WWOX: variants seen among roughly 807,000 people sequenced by gnomAD.
WWOX encodes the protein WW domain containing oxidoreductase.
A neutral mutation model predicts 46.2 loss-of-function variants in WWOX; 69 were observed. The ratio of observed to expected loss-of-function variants is 1.49; its 90% CI spans 1.23 to 1.82. The LOEUF is 1.82. Ranked by LOEUF, WWOX falls within the 40% of genes most tolerant of loss-of-function variation. WWOX has a pLI of 0.00. For missense variants in WWOX, 919 were observed against 542.6 expected (o/e 1.69, Z -6.89); for synonymous variants, 359 against 202.6 (o/e 1.77, Z -6.56).
intron 5 of WWOX, among the ~76,000 whole-genome samples, chr16:78,216,084 A>G (rs1199553503): frequency 2.6e-5 from 4 of 152,220 alleles, no homozygotes; most frequent in Non-Finnish European, 4.4e-5. Context: ...CTCATCCGTC[A>G]GCCACACTGC....
intron 8 of WWOX, among the ~76,000 whole-genome samples, chr16:78,778,457 C>T (rs1353562877): frequency 6.6e-6 from 1 of 152,198 alleles, no homozygotes; most frequent in Non-Finnish European, 1.5e-5. Flanking sequence ...GTGTTGTTGA[C>T]TGGGATGTCA....
intron 8 of WWOX, among the ~76,000 whole-genome samples, chr16:78,824,135 A>T (rs1480879623): frequency 1.3e-5 from 2 of 152,188 alleles, no homozygotes; most frequent in East Asian, 3.8e-4. Context: ...TAAAGTTTTT[A>T]AAAATCTATT....
At chr16:78,298,618 C>A (rs207476198) in intron 5 of WWOX, among the ~76,000 whole-genome samples, 2 of 152,102 alleles carry the variant, frequency 1.3e-5, no homozygotes, top group African/African-American at 4.8e-5. Flanking sequence ...ATGGAGAAAC[C>A]TTGCCTCTAC....
chr16:78,620,521 C>A (rs1283992717), intron 8 of WWOX, among the ~76,000 whole-genome samples: 1 of 152,168 alleles, frequency 6.6e-6, no homozygotes, highest in Non-Finnish European at 1.5e-5. Flanking sequence ...CCTCTCCAGA[C>A]TAGACACTAG....
chr16:78,828,468 G>T (rs2051723207), intron 8 of WWOX, among the ~76,000 whole-genome samples: 1 of 151,914 alleles, frequency 6.6e-6, no homozygotes, highest in Admixed American at 6.6e-5. Context: ...TCTGCCTGTG[G>T]GGTGTCTACC....
intron 8 of WWOX, among the ~76,000 whole-genome samples, chr16:78,687,900 C>A (rs2047898909): frequency 6.6e-6 from 1 of 151,746 alleles, no homozygotes; most frequent in African/African-American, 2.4e-5. Flanking sequence ...GTTAAATGGC[C>A]CACTCCCTTT....
At chr16:78,494,033 T>C (rs910524925) in intron 8 of WWOX, among the ~76,000 whole-genome samples, 1 of 152,192 alleles carries the variant, frequency 6.6e-6, no homozygotes, top group Non-Finnish European at 1.5e-5. Context: ...CTCGTGGTTC[T>C]GCAGACTGTA....
chr16:78,464,978 A>C (rs905571747), intron 8 of WWOX, among the ~76,000 whole-genome samples: 4 of 152,202 alleles, frequency 2.6e-5, no homozygotes, highest in Non-Finnish European at 5.9e-5. Context: ...GCAGAAGGCA[A>C]AGGAGGAGCA....
chr16:79,018,092 A>C (rs938182860), intron 8 of WWOX, among the ~76,000 whole-genome samples: 1 of 152,224 alleles, frequency 6.6e-6, no homozygotes, highest in Non-Finnish European at 1.5e-5. Context: ...ACCTATGAGC[A>C]AAAGGATTTC....
intron 8 of WWOX, among the ~76,000 whole-genome samples, chr16:78,806,297 C>G (rs1183524665): frequency 2.0e-5 from 3 of 152,258 alleles, no homozygotes; most frequent in African/African-American, 4.8e-5. Flanking sequence ...AAGCATTTCC[C>G]TATTCTTTAG....
chr16:78,725,800 C>G (rs894502119), intron 8 of WWOX, among the ~76,000 whole-genome samples: 3 of 152,028 alleles, frequency 2.0e-5, no homozygotes, highest in Non-Finnish European at 4.4e-5. Context: ...TTTGTCTTAG[C>G]TTTTGGCATT....
At chr16:78,510,275 C>T (rs1330665859) in intron 8 of WWOX, among the ~76,000 whole-genome samples, 1 of 152,126 alleles carries the variant, frequency 6.6e-6, no homozygotes, top group Non-Finnish European at 1.5e-5. Flanking sequence ...GCGCGATCTC[C>T]ACTCACCGCA....
intron 8 of WWOX, among the ~76,000 whole-genome samples, chr16:78,862,369 G>C (rs2043908857): frequency 6.6e-6 from 1 of 150,962 alleles, no homozygotes; most frequent in African/African-American, 2.4e-5. Context: ...AAACACTATA[G>C]TATATAGAGT....
chr16:78,846,581 G>T (rs1251988581), intron 8 of WWOX, among the ~76,000 whole-genome samples: 2 of 151,950 alleles, frequency 1.3e-5, no homozygotes, highest in South Asian at 2.1e-4. Flanking sequence ...GCCATTCTTC[G>T]GCCATCAAGT....
intron 8 of WWOX, among the ~76,000 whole-genome samples, chr16:78,942,463 C>G (rs561116490): frequency 2.0e-5 from 3 of 151,948 alleles, no homozygotes; most frequent in Non-Finnish European, 4.4e-5. Context: ...GTCTGTTGCC[C>G]CAAATAATCA....
At chr16:78,153,671 C>G (rs1459195682) in intron 4 of WWOX, among the ~76,000 whole-genome samples, 1 of 152,112 alleles carries the variant, frequency 6.6e-6, no homozygotes, top group African/African-American at 2.4e-5. Flanking sequence ...TTACAAGTAA[C>G]ATTTGTCCCC....
chr16:78,723,635 T>TC (rs2048753560), intron 8 of WWOX, among the ~76,000 whole-genome samples: 1 of 120,224 alleles, frequency 8.3e-6, no homozygotes, highest in African/African-American at 3.4e-5. Flanking sequence ...TTCTTTTTTC[T>TC]TTTCTTTTCT....
intron 3 of WWOX, chr16:78,111,801 C>A: frequency 6.0e-6 from 1 of 167,660 alleles, no homozygotes; most frequent in South Asian, 1.5e-4. Context: ...GTTTTAAAGT[C>A]TTTGATCTTT....
At chr16:78,236,126 C>G in intron 5 of WWOX, among the ~76,000 whole-genome samples, 1 of 152,224 alleles carries the variant, frequency 6.6e-6, no homozygotes, top group Non-Finnish European at 1.5e-5. Flanking sequence ...CAGCCTCTGA[C>G]TCTGGTGTTC....
Sources: gnomAD v4.1 joint callset for allele counts (sites outside exome capture counted in the v4.1 genomes callset) on GRCh38, gnomAD v4.1.1 for gene constraint, MANE v1.5 for transcripts, NCBI Gene and HGNC (gene_info 2026-07-23, HGNC 2026-07-21) for gene names.